TYW1B: variants seen among roughly 807,000 people sequenced by gnomAD.
TYW1B encodes the protein S-adenosyl-L-methionine-dependent tRNA 4-demethylwyosine synthase TYW1B.
In TYW1B, 73 loss-of-function variants were observed where a neutral mutation model predicts 86.9. That is an observed-to-expected ratio of 0.84 (90% confidence interval 0.70 to 1.02). The LOEUF (loss-of-function observed/expected upper bound fraction) is 1.02, where lower values mean the gene tolerates loss of function less well. TYW1B is among the 50% of genes least tolerant of loss of function. The pLI is 0.00. For synonymous variants in TYW1B, 248 were observed against 292.8 expected (o/e 0.85, Z 1.56); for missense variants, 637 against 827.4 (o/e 0.77, Z 2.82).
chr7:72,716,364 G>A (rs556836984), intron 9 of TYW1B, among the ~76,000 whole-genome samples: 39 of 152,306 alleles, frequency 2.6e-4, no homozygotes, highest in South Asian at 6.2e-4. Context: ...CACAAGAAAC[G>A]TTCATTAACA....
intron 6 of TYW1B, among the ~76,000 whole-genome samples, chr7:72,778,076 T>C (rs1554470923): frequency 6.6e-6 from 1 of 152,150 alleles, no homozygotes; most frequent in Non-Finnish European, 1.5e-5. Context: ...AACTATATAT[T>C]CAAACATACA....
At chr7:72,624,055 C>T (rs1275883866) in intron 12 of TYW1B, among the ~76,000 whole-genome samples, 1 of 152,214 alleles carries the variant, frequency 6.6e-6, no homozygotes, top group Non-Finnish European at 1.5e-5. Context: ...CCTGACTCGG[C>T]CTCCCAAAGT....
At chr7:72,652,886 G>A (rs1813099161) in intron 11 of TYW1B, among the ~76,000 whole-genome samples, 1 of 152,120 alleles carries the variant, frequency 6.6e-6, no homozygotes, top group Non-Finnish European at 1.5e-5. Context: ...CCTGGAATTT[G>A]CCTTCCAGAA....
At chr7:72,648,488 A>G (rs1317671542) in intron 11 of TYW1B, among the ~76,000 whole-genome samples, 1 of 150,948 alleles carries the variant, frequency 6.6e-6, no homozygotes, top group East Asian at 1.9e-4. Flanking sequence ...GGTTGCAGAG[A>G]GCTGAGATCA....
At chr7:72,665,706 T>C (rs192343573) in intron 11 of TYW1B, among the ~76,000 whole-genome samples, 281 of 152,338 alleles carry the variant, frequency 1.8e-3, no homozygotes, top group African/African-American at 6.4e-3. Flanking sequence ...CAGTAGCCTA[T>C]GTTATATTTT....
rs1813074977 is a variant in TYW1B, at chr7:72,652,141, G to T, written c.1507-23144C>A. Among the ~76,000 whole-genome samples the T allele has an allele frequency of 2.0e-5, 3 of 152,094 alleles. No homozygotes were observed. The South Asian group carries it at 6.2e-4, about 32-fold the overall frequency. ...GCCTGTAATCCCAGCACTTTGGGAG[G>T]CTGAGGCAGGCGGATCACGAGGTCA... On this transcript the variant is annotated intron_variant, in intron 11 of 13. Transcript: ENST00000620995.
chr7:72,760,594 C>T (rs1329498396), intron 7 of TYW1B, among the ~76,000 whole-genome samples: 1 of 152,124 alleles, frequency 6.6e-6, no homozygotes, highest in East Asian at 1.9e-4. Context: ...GGCAAGAAGT[C>T]CCTTAAAGAG....
chr7:72,790,952 G>A (rs1788208192), intron 6 of TYW1B, among the ~76,000 whole-genome samples: 2 of 151,954 alleles, frequency 1.3e-5, no homozygotes, highest in South Asian at 4.2e-4. Flanking sequence ...TCACTTTATG[G>A]GTCACACTCT....
intron 2 of TYW1B, among the ~76,000 whole-genome samples, chr7:72,817,711 CAG>C (rs1288817383): frequency 9.9e-5 from 15 of 152,060 alleles, no homozygotes; most frequent in Non-Finnish European, 1.9e-4. Context: ...GTACACTCTA[CAG>C]AGAGGAGGCA....
At chr7:72,728,786 A>C (rs1554459223) in intron 9 of TYW1B, 36 bp downstream of exon 9, 28 of 1,583,780 alleles carry the variant, frequency 1.8e-5, no homozygotes, top group Non-Finnish European at 2.3e-5. Flanking sequence ...ACTATTAACA[A>C]GTATTAGCAT....
intron 7 of TYW1B, 23 bp downstream of exon 7, chr7:72,777,390 TAAC>T (rs782607140): frequency 1.2e-5 from 19 of 1,611,980 alleles, no homozygotes; most frequent in African/African-American, 4.0e-5. Flanking sequence ...TATAGTCATA[TAAC>T]AACAATTCTT....
intron 11 of TYW1B, among the ~76,000 whole-genome samples, chr7:72,666,507 GC>G (rs1321999312): frequency 3.3e-5 from 5 of 152,162 alleles, no homozygotes; most frequent in Non-Finnish European, 5.9e-5. Flanking sequence ...AATACAGTGG[GC>G]AGCAGGAAGG....
At chr7:72,624,378 C>T (rs1295454225) in intron 12 of TYW1B, among the ~76,000 whole-genome samples, 1 of 152,210 alleles carries the variant, frequency 6.6e-6, no homozygotes, top group Non-Finnish European at 1.5e-5. Context: ...GACAGATATC[C>T]TTCCATACTT....
chr7:72,745,262 G>A (rs1787375102), intron 7 of TYW1B, among the ~76,000 whole-genome samples: 1 of 152,080 alleles, frequency 6.6e-6, no homozygotes, highest in Admixed American at 6.6e-5. Flanking sequence ...GGTCTCAAGC[G>A]ATCCTCCCAC....
intron 10 of TYW1B, among the ~76,000 whole-genome samples, chr7:72,700,155 C>CTTTTTTTTTTTTTTT (rs587689485): frequency 1.3e-5 from 1 of 74,208 alleles, no homozygotes; most frequent in Non-Finnish European, 2.2e-5. Flanking sequence ...AGCTTTTACA[C>CTTTTTTTTTTTTTTT]TTTTTTTTTT....
At chr7:72,686,511 G>A (rs188115152) in intron 11 of TYW1B, among the ~76,000 whole-genome samples, 4 of 152,236 alleles carry the variant, frequency 2.6e-5, no homozygotes, top group Non-Finnish European at 5.9e-5. Context: ...GCAAAGCTAC[G>A]CAGACAGTAA....
chr7:72,780,662 A>G (rs1377817033), intron 6 of TYW1B, among the ~76,000 whole-genome samples: 1 of 152,156 alleles, frequency 6.6e-6, no homozygotes, highest in Non-Finnish European at 1.5e-5. Context: ...CTATTATAAA[A>G]TGTGAGTGTT....
chr7:72,636,188 T>C (rs782147466), intron 11 of TYW1B, among the ~76,000 whole-genome samples: 1 of 152,242 alleles, frequency 6.6e-6, no homozygotes, highest in Non-Finnish European at 1.5e-5. Context: ...ATACTTTTGA[T>C]GCTTTGTTAT....
rs1171431072 is a variant in TYW1B, at chr7:72,625,894, G to GGA, written c.1617+2992_1617+2993insTC. On this transcript the variant is annotated intron_variant, in intron 12 of 13. Transcript: ENST00000620995. ...GTAAGAAAGGAGGGGGGAGAGGTGG[G>GGA]GCGGGGGGGGGGGAAGAAAGGAAGG... is the stretch of plus-strand genomic sequence containing the variant. Among the ~76,000 whole-genome samples the GGA allele has an allele frequency of 1.4e-4, 14 of 102,850 alleles. No individual in the cohort carries two copies. In the East Asian group the frequency reaches 4.9e-3, roughly 36 times the overall value. 67.5% of individuals were successfully genotyped at this position (102,850 alleles called of 152,430 possible). A position where few individuals can be genotyped will look rare whatever the true frequency, so the allele number is the denominator to read the frequency against.
Sources: gnomAD v4.1 joint callset for allele counts (sites outside exome capture counted in the v4.1 genomes callset) on GRCh38, gnomAD v4.1.1 for gene constraint, MANE v1.5 for transcripts, NCBI Gene and HGNC (gene_info 2026-07-23, HGNC 2026-07-21) for gene names.